Variants in SCFD1 observed in about 807,000 individuals in gnomAD.
SCFD1 encodes the protein sec1 family domain-containing protein 1.
A neutral mutation model predicts 103.2 loss-of-function variants in SCFD1; 37 were observed. The observed-to-expected ratio is 0.36, with a 90% CI of 0.28 to 0.47. The LOEUF is 0.47. SCFD1 is among the 20% of genes least tolerant of loss of function. The pLI is 1.00. For missense variants in SCFD1, 639 were observed against 761.2 expected (o/e 0.84, Z 1.89); for synonymous variants, 264 against 245.0 (o/e 1.08, Z -0.73).
chr14:30,653,582 T>G lies in SCFD1; in HGVS notation c.849T>G (p.Asp283Glu). ...GGACATATCAAGCATTGGTGCACGA[T>G]GTACTGGTAAGAGACTAAATGCAGC... is the stretch of plus-strand genomic sequence containing the variant. ...HTWTYQALVH[D>E]VLDFHLNRVN... Residue 283 changes from aspartate (D) to glutamate (E), a missense_variant, in exon 10 of 25, where the codon GAT (aspartate) becomes GAG (glutamate). By Grantham distance (45) the Asp-to-Glu change is conservative. Transcript: ENST00000458591. 6.2e-7 allele frequency: 1 copy of G among 1,604,010 alleles called. No individual in the cohort carries two copies. The highest frequency in any genetic ancestry group is 8.5e-7 in the Non-Finnish European group (1 of 1,171,350).
At chr14:30,646,622 T>C (rs977551433) in intron 7 of SCFD1, among the ~76,000 whole-genome samples, 3 of 152,196 alleles carry the variant, frequency 2.0e-5, no homozygotes, top group Non-Finnish European at 4.4e-5. Context: ...ATGAGAATGA[T>C]ACTGGCCTCA....
At chr14:30,647,574 T>G (rs1037317089) in intron 7 of SCFD1, among the ~76,000 whole-genome samples, 3 of 152,156 alleles carry the variant, frequency 2.0e-5, no homozygotes, top group African/African-American at 7.2e-5. Flanking sequence ...TTGAACTGCT[T>G]TCATTGCCCT....
At chr14:30,640,190 T>G (rs1885129738) in intron 6 of SCFD1, among the ~76,000 whole-genome samples, 1 of 152,208 alleles carries the variant, frequency 6.6e-6, no homozygotes, top group South Asian at 2.1e-4. Flanking sequence ...ATCTAGTACT[T>G]TGATCTTGGA....
At chr14:30,699,732 G>T (rs1274204124) in intron 15 of SCFD1, among the ~76,000 whole-genome samples, 1 of 152,140 alleles carries the variant, frequency 6.6e-6, no homozygotes, top group Non-Finnish European at 1.5e-5. Flanking sequence ...TGTTTAGCCA[G>T]CAAAGTCTCA....
intron 5 of SCFD1, among the ~76,000 whole-genome samples, chr14:30,638,666 G>GC (rs1260887978): frequency 6.6e-6 from 1 of 152,030 alleles, no homozygotes; most frequent in Non-Finnish European, 1.5e-5. Flanking sequence ...GATCCAAAGT[G>GC]CCCGTGTTGC....
intron 10 of SCFD1, among the ~76,000 whole-genome samples, chr14:30,659,376 C>T (rs530908987): frequency 6.6e-6 from 1 of 152,042 alleles, no homozygotes; most frequent in Admixed American, 6.5e-5. Context: ...ATATATTTTA[C>T]ATTTACATCA....
intron 10 of SCFD1, among the ~76,000 whole-genome samples, chr14:30,656,762 A>G (rs1164623662): frequency 6.6e-6 from 1 of 152,054 alleles, no homozygotes; most frequent in Admixed American, 6.6e-5. Flanking sequence ...TCAGGTTCCC[A>G]TTTGAGAAGG....
Position 30,705,807 on chromosome 14 carries a change from C to T in SCFD1, c.1491-16C>T, listed in dbSNP as rs567490918. On this transcript the variant is annotated splice_polypyrimidine_tract_variant and intron_variant, in intron 17 of 24. Transcript: ENST00000458591. ...TCTAATAATTAGCTTTTAAGTACAACTTCCTTCTTTCATAGGGCTTTTACC... is the reference window on the plus strand; with the variant it reads ...TCTAATAATTAGCTTTTAAGTACAATTTCCTTCTTTCATAGGGCTTTTACC... The T allele has an allele frequency of 3.7e-6, 6 of 1,610,032 alleles. No individual in the cohort carries two copies. The South Asian group carries it at 6.6e-5, about 18-fold the overall frequency.
intron 7 of SCFD1, among the ~76,000 whole-genome samples, chr14:30,643,624 A>C (rs1465854633): frequency 6.6e-6 from 1 of 152,146 alleles, no homozygotes; most frequent in Non-Finnish European, 1.5e-5. Flanking sequence ...GTCATTTTAG[A>C]TGTCTTTGGT....
rs1201055122 is a variant in SCFD1, at chr14:30,735,728, G to GTTAT, written c.*122_*125dup. 8 of 669,920 alleles carry GTTAT rather than the reference G, an allele frequency of 1.2e-5. No individual in the cohort carries two copies. The highest frequency in any genetic ancestry group is 3.1e-4 in the Middle Eastern group (1 of 3,182). The allele number at this position is 669,920 out of a possible 1,614,324, so 41.5% of individuals were successfully genotyped here. On this transcript the variant is annotated 3_prime_UTR_variant, in exon 25 of 25. Coordinates refer to ENST00000458591, the MANE Select transcript of SCFD1 (RefSeq NM_016106.4). ...CAGTGTCCTAACAGTGAAAATCAGA[G>GTTAT]TTATTTGTTAATTTTTAAGGAAATT...
rs1052287764 is a variant in SCFD1 at position 30,684,185 on chromosome 14, G to C, written c.1242+9120G>C. ...GATGTGTACTTACCTGTACTTCTCA[G>C]ATAAGTCTTTTTTAGAGACAAGTCT... On this transcript the variant is annotated intron_variant, in intron 14 of 24. Coordinates refer to ENST00000458591, the MANE Select transcript of SCFD1 (RefSeq NM_016106.4). Among the ~76,000 whole-genome samples the C allele has an allele frequency of 3.3e-5, 5 of 152,192 alleles. No homozygotes were observed. In the East Asian group the frequency reaches 5.8e-4, roughly 18 times the overall value.
intron 14 of SCFD1, among the ~76,000 whole-genome samples, chr14:30,681,965 G>A (rs1461646897): frequency 6.6e-6 from 1 of 152,148 alleles, no homozygotes; most frequent in Non-Finnish European, 1.5e-5. Flanking sequence ...ATGGTTCCCT[G>A]TATATGTCCT....
intron 23 of SCFD1, among the ~76,000 whole-genome samples, chr14:30,723,795 A>C (rs1337777779): frequency 3.3e-5 from 5 of 152,126 alleles, no homozygotes; most frequent in African/African-American, 1.2e-4. Flanking sequence ...GTCTAGTCTA[A>C]CATCAGTGGA....
chr14:30,646,167 C>T (rs1885806344), intron 7 of SCFD1, among the ~76,000 whole-genome samples: 1 of 152,116 alleles, frequency 6.6e-6, no homozygotes. Flanking sequence ...GGACTACAGG[C>T]ACATGCCACC....
At chr14:30,622,997 A>G (rs750760088) in intron 1 of SCFD1, among the ~76,000 whole-genome samples, 3 of 152,214 alleles carry the variant, frequency 2.0e-5, no homozygotes, top group Non-Finnish European at 4.4e-5. Flanking sequence ...ATAATATTTT[A>G]TCTTCAATAG....
chr14:30,695,304 A>G (rs1890615006), intron 15 of SCFD1, among the ~76,000 whole-genome samples: 1 of 152,214 alleles, frequency 6.6e-6, no homozygotes, highest in Admixed American at 6.5e-5. Flanking sequence ...AAGGAACTCT[A>G]TGGCCAATCA....
At chr14:30,639,180 AT>A (rs1297482069) in intron 5 of SCFD1, among the ~76,000 whole-genome samples, 1 of 151,940 alleles carries the variant, frequency 6.6e-6, no homozygotes, top group Non-Finnish European at 1.5e-5. Context: ...CACCCAGCTA[AT>A]TTTTTTAATA....
At chr14:30,706,007 A>G in intron 18 of SCFD1, 122 bp downstream of exon 18, 2 of 693,496 alleles carry the variant, frequency 2.9e-6, no homozygotes, top group Non-Finnish European at 4.8e-6. Flanking sequence ...CTTTGGTGAC[A>G]TTTAGATGGC....
intron 14 of SCFD1, chr14:30,683,282 C>A: frequency 3.2e-6 from 3 of 936,394 alleles, no homozygotes; most frequent in Non-Finnish European, 4.8e-6. Flanking sequence ...TGGGTGTCCA[C>A]ACTGGGATAG....
Sources: allele counts gnomAD v4.1 joint callset (sites outside exome capture counted in the v4.1 genomes callset), GRCh38; gene constraint gnomAD v4.1.1; transcripts MANE v1.5; gene names NCBI Gene and HGNC (gene_info 2026-07-23, HGNC 2026-07-21).